TECRL: variants seen among roughly 807,000 people sequenced by gnomAD.
TECRL encodes the protein trans-2,3-enoyl-CoA reductase like, also known as trans-2,3-enoyl-CoA reductase-like.
Under a neutral mutation model 52.8 loss-of-function variants are expected in TECRL, and 63 were observed. That is an observed-to-expected ratio of 1.19 (90% CI 0.97 to 1.47). The LOEUF (loss-of-function observed/expected upper bound fraction) is 1.47, where lower values mean the gene tolerates loss of function less well. TECRL is among the 40% of genes most tolerant of loss of function. The pLI is 0.00. For missense variants in TECRL, 482 were observed against 429.6 expected, an observed-to-expected ratio of 1.12 and a Z score of -1.08; for synonymous variants, 164 against 141.9, an observed-to-expected ratio of 1.16 and a Z score of -1.10.
At chr4:64,304,622 A>G (rs928390618) in intron 7 of TECRL, among the ~76,000 whole-genome samples, 3 of 152,024 alleles carry the variant, frequency 2.0e-5, no homozygotes, top group African/African-American at 7.2e-5. Flanking sequence ...AAGAAATGAA[A>G]TTCCTTGATC....
chr4:64,369,015 C>A (rs1345991968), intron 2 of TECRL, among the ~76,000 whole-genome samples: 1 of 152,148 alleles, frequency 6.6e-6, no homozygotes, highest in East Asian at 1.9e-4. Context: ...TCTTACCTTG[C>A]TTTGTTCCCC....
chr4:64,374,079 A>ATATATATATATATATTTATT (rs1343885987), intron 2 of TECRL, among the ~76,000 whole-genome samples: 8 of 96,780 alleles, frequency 8.3e-5, no homozygotes, highest in South Asian at 7.6e-4. Context: ...ATATATATAT[A>ATATATATATATATATTTATT]TATTTATCTT....
chr4:64,392,246 T>A (rs1054459384), intron 1 of TECRL, among the ~76,000 whole-genome samples: 2 of 152,018 alleles, frequency 1.3e-5, no homozygotes, highest in Non-Finnish European at 1.5e-5. Flanking sequence ...GCACAAAACA[T>A]GTTACTTCAG....
chr4:64,379,035 G>T (rs1468665590), intron 1 of TECRL, among the ~76,000 whole-genome samples: 1 of 151,050 alleles, frequency 6.6e-6, no homozygotes. Flanking sequence ...TAACAATTTG[G>T]TTAATATCAA....
intron 3 of TECRL, among the ~76,000 whole-genome samples, chr4:64,325,076 A>T (rs1441729658): frequency 1.3e-5 from 2 of 152,182 alleles, no homozygotes; most frequent in African/African-American, 4.8e-5. Flanking sequence ...CATTGGGAAG[A>T]TTCACTGTGC....
intron 2 of TECRL, among the ~76,000 whole-genome samples, chr4:64,349,347 G>A (rs1720220530): frequency 6.6e-6 from 1 of 151,864 alleles, no homozygotes; most frequent in Admixed American, 6.6e-5. Context: ...AGGCCAGGCT[G>A]GTCTCAAACT....
chr4:64,409,219 G>A lies in TECRL; in HGVS notation c.133C>T (p.Pro45Ser), dbSNP rs61744866. Residue 45 changes from proline (P) to serine (S), a missense_variant, in exon 1 of 12, where the codon CCT becomes TCT. Transcript: ENST00000381210. Reference protein sequence around the residue: ...FLSKLVLSAGPLRPTPAVKHS... With the variant: ...FLSKLVLSAGSLRPTPAVKHS... ...TTGACTGCTGGAGTTGGTCTTAGAG[G>A]GCCCGCTGAGAGTACAAGTTTTGAC... 35,709 of 1,613,664 alleles carry A rather than the reference G, an allele frequency of 0.022. 1,089 individuals carry two copies. Among genetic ancestry groups the A allele is most frequent in the African/African-American group, 0.15 (11,376 of 74,918 alleles).
chr4:64,313,642 T>C (rs935370049), intron 5 of TECRL, among the ~76,000 whole-genome samples: 4 of 150,192 alleles, frequency 2.7e-5, no homozygotes, highest in African/African-American at 7.3e-5. Context: ...CCACCACGCC[T>C]GGCTAATTTT....
intron 1 of TECRL, among the ~76,000 whole-genome samples, chr4:64,379,450 C>G (rs1722629399): frequency 6.6e-6 from 1 of 152,088 alleles, no homozygotes; most frequent in African/African-American, 2.4e-5. Context: ...ATATCCATCA[C>G]CTTAAACACT....
intron 7 of TECRL, among the ~76,000 whole-genome samples, chr4:64,303,916 G>A (rs1724165503): frequency 6.6e-6 from 1 of 151,682 alleles, no homozygotes; most frequent in Admixed American, 6.6e-5. Context: ...AGTCCTAATT[G>A]TATCTTATGC....
intron 1 of TECRL, among the ~76,000 whole-genome samples, chr4:64,390,483 G>C (rs1230187193): frequency 6.6e-6 from 1 of 151,740 alleles, no homozygotes; most frequent in Non-Finnish European, 1.5e-5. Context: ...ATTCTACTTG[G>C]AAACTGACAA....
intron 1 of TECRL, among the ~76,000 whole-genome samples, chr4:64,393,828 T>G (rs1723726223): frequency 1.3e-5 from 2 of 151,998 alleles, no homozygotes; most frequent in African/African-American, 2.4e-5. Flanking sequence ...GATTACAATA[T>G]TTTCTCTGAG....
intron 2 of TECRL, among the ~76,000 whole-genome samples, chr4:64,358,424 A>G (rs929284009): frequency 1.3e-5 from 2 of 151,822 alleles, no homozygotes; most frequent in African/African-American, 4.8e-5. Flanking sequence ...AAGCAAAAGT[A>G]TATTTCCAGT....
intron 4 of TECRL, among the ~76,000 whole-genome samples, chr4:64,316,820 C>A (rs1436166804): frequency 6.6e-6 from 1 of 152,046 alleles, no homozygotes; most frequent in Non-Finnish European, 1.5e-5. Flanking sequence ...CAATTTATTT[C>A]TATTATCAAA....
At chr4:64,407,077 G>C (rs1391161593) in intron 1 of TECRL, among the ~76,000 whole-genome samples, 1 of 151,640 alleles carries the variant, frequency 6.6e-6, no homozygotes, top group African/African-American at 2.4e-5. Context: ...TTATGAAACA[G>C]TTTATCAATT....
rs750404424 is a variant in TECRL at position 64,300,059 on chromosome 4, T to C, written c.731-42A>G. ...GAATATGTCATGCAGATACTCATAG[T>C]TTGGATTGTCAAATATATAGACATA... On this transcript the variant is annotated intron_variant, in intron 7 of 11. Transcript: ENST00000381210. The C allele has an allele frequency of 3.4e-6, 5 of 1,482,156 alleles. No homozygotes were observed. In the African/African-American group the frequency reaches 5.6e-5, roughly 17 times the overall value. The allele number at this position is 1,482,156 out of a possible 1,614,324, so 91.8% of individuals were successfully genotyped here.
At chr4:64,388,303 T>G (rs139308882) in intron 1 of TECRL, among the ~76,000 whole-genome samples, 1,666 of 151,506 alleles carry the variant, frequency 0.011, 36 homozygotes, top group African/African-American at 0.038. Context: ...TATGTTGCCT[T>G]TGTTCCTTTG....
At chr4:64,374,038 G>GTATATAGTAGATACATATATA (rs1560538605) in intron 2 of TECRL, among the ~76,000 whole-genome samples, 20 of 94,324 alleles carry the variant, frequency 2.1e-4, no homozygotes, top group African/African-American at 8.0e-4. Context: ...ATATATATAT[G>GTATATAGTAGATACATATATA]TATATAGTAG....
rs182366627 is a variant in TECRL, at chr4:64,336,414, C to T, written c.287-7858G>A. ...TGAATCTTCTCTCTTCTTTATTAGTCTTGCTAGTGGTCTATCAATTTTGTT... is the reference window on the plus strand; with the variant it reads ...TGAATCTTCTCTCTTCTTTATTAGTTTTGCTAGTGGTCTATCAATTTTGTT... On this transcript the variant is annotated intron_variant, in intron 2 of 11. Transcript: ENST00000381210. Among the ~76,000 whole-genome samples, 33 of 152,148 alleles carry T rather than the reference C, an allele frequency of 2.2e-4. 1 individual carries two copies. The highest frequency in any genetic ancestry group is 8.0e-4 in the African/African-American group (33 of 41,508).
Sources: gnomAD v4.1 joint callset for allele counts (sites outside exome capture counted in the v4.1 genomes callset) on GRCh38, gnomAD v4.1.1 for gene constraint, MANE v1.5 for transcripts, NCBI Gene and HGNC (gene_info 2026-07-23, HGNC 2026-07-21) for gene names.